Variants in SPC25 observed in about 807,000 individuals in gnomAD.
SPC25 encodes the protein SPC25 component of NDC80 kinetochore complex.
SPC25 carries 22 observed loss-of-function variants against 29.6 expected under a neutral mutation model. The ratio of observed to expected loss-of-function variants is 0.74; its 90% CI spans 0.53 to 1.06. The LOEUF (loss-of-function observed/expected upper bound fraction) is 1.06, where lower values mean the gene tolerates loss of function less well. SPC25 is among the 50% of genes least tolerant of loss of function. The pLI is 0.00. For synonymous variants in SPC25, 91 were observed against 90.4 expected, an observed-to-expected ratio of 1.01 and a Z score of -0.04; for missense variants, 230 against 255.8, an observed-to-expected ratio of 0.90 and a Z score of 0.69.
intron 5 of SPC25, among the ~76,000 whole-genome samples, chr2:168,874,558 T>G (rs1690054235): frequency 6.6e-6 from 1 of 152,176 alleles, no homozygotes; most frequent in Non-Finnish European, 1.5e-5. Context: ...TGAACTTGGC[T>G]GCTGTGGTCT....
chr2:168,889,050 T>TATATGTATATATATACAC (rs1559158739), intron 3 of SPC25, among the ~76,000 whole-genome samples, 176 bp downstream of exon 3: 2 of 95,568 alleles, frequency 2.1e-5, no homozygotes, highest in East Asian at 4.6e-4. Flanking sequence ...TATATACACA[T>TATATGTATATATATACAC]ATATATACAT....
intron 3 of SPC25, among the ~76,000 whole-genome samples, chr2:168,886,809 C>A (rs905725684): frequency 6.6e-6 from 1 of 151,956 alleles, no homozygotes; most frequent in Admixed American, 6.6e-5. Flanking sequence ...GTGAACCACC[C>A]CGCCCGGCCA....
At chr2:168,887,370 C>T (rs961137360) in intron 3 of SPC25, among the ~76,000 whole-genome samples, 33 of 150,446 alleles carry the variant, frequency 2.2e-4, no homozygotes, top group African/African-American at 3.7e-4. Flanking sequence ...TGCAGTGAGC[C>T]GAGATCATGC....
chr2:168,883,777 T>C (rs1446042756), intron 3 of SPC25, among the ~76,000 whole-genome samples: 37 of 96,436 alleles, frequency 3.8e-4, no homozygotes, highest in African/African-American at 2.1e-3. Context: ...TTTTTTTTTC[T>C]TTTTTTTTTT....
chr2:168,871,873 C>T (rs1199130498), intron 6 of SPC25, among the ~76,000 whole-genome samples: 1 of 151,266 alleles, frequency 6.6e-6, no homozygotes, highest in Non-Finnish European at 1.5e-5. Flanking sequence ...TTTGTTTTAA[C>T]TATTTAAACT....
chr2:168,877,617 T>C (rs928253041), intron 3 of SPC25, among the ~76,000 whole-genome samples: 1 of 152,038 alleles, frequency 6.6e-6, no homozygotes, highest in African/African-American at 2.4e-5. Flanking sequence ...AAAATGAGAA[T>C]ACCAAATTAA....
At chr2:168,861,902 A>T (rs969856336) in intron 4 of SPC25, 20 of 1,470,522 alleles carry the variant, frequency 1.4e-5, no homozygotes, top group Non-Finnish European at 1.5e-5. Flanking sequence ...AAAGAGCTTC[A>T]GCTCATATTC....
intron 3 of SPC25, among the ~76,000 whole-genome samples, chr2:168,882,624 A>G (rs112552062): frequency 2.6e-5 from 4 of 151,950 alleles, no homozygotes; most frequent in East Asian, 1.9e-4. Flanking sequence ...TAAATAAATA[A>G]ACAGACAGAC....
intron 3 of SPC25, 90 bp from the exon 4 acceptor site, chr2:168,877,474 A>G (rs1228763676): frequency 7.0e-7 from 1 of 1,418,942 alleles, no homozygotes; most frequent in East Asian, 2.3e-5. Context: ...TTTCATAAAG[A>G]TTAATAAAGA....
chr2:168,864,326 G>A (rs1689707490), intron 4 of SPC25, among the ~76,000 whole-genome samples: 3 of 148,544 alleles, frequency 2.0e-5, no homozygotes, highest in Non-Finnish European at 3.0e-5. Flanking sequence ...TGTTGCTGTT[G>A]CCCAGGCTAG....
At chr2:168,880,421 T>A (rs752564545) in intron 3 of SPC25, among the ~76,000 whole-genome samples, 2 of 152,236 alleles carry the variant, frequency 1.3e-5, no homozygotes, top group Non-Finnish European at 2.9e-5. Context: ...AACTTCCTCA[T>A]CTTTCTCAAG....
Position 168,890,382 on chromosome 2 carries a change from A to T in SPC25, c.-79T>A. 1.0e-6 allele frequency: 1 copy of T among 985,492 alleles called. No homozygotes were observed. Among genetic ancestry groups the T allele is most frequent in the Middle Eastern group, 5.2e-4 (1 of 1,914 alleles). The allele number at this position is 985,492 out of a possible 1,614,324, so 61.0% of individuals were successfully genotyped here. On this transcript the variant is annotated 5_prime_UTR_variant, in exon 1 of 7. Transcript: ENST00000282074. The stretch of plus-strand genomic sequence containing the variant: ...CAGATCCGCGCCCACTCTAGCCAAC[A>T]GCCGGACTCTAGGCTCAGCTCCCGC...
At chr2:168,889,578 A>C in intron 1 of SPC25, 45 bp from the exon 2 acceptor site, 1 of 1,557,904 alleles carries the variant, frequency 6.4e-7, no homozygotes, top group Non-Finnish European at 8.7e-7. Flanking sequence ...ACTGAAATCA[A>C]ATCACCCACA....
chr2:168,875,593 A>G (rs1213395395), intron 5 of SPC25, among the ~76,000 whole-genome samples: 1 of 152,162 alleles, frequency 6.6e-6, no homozygotes, highest in Non-Finnish European at 1.5e-5. Context: ...TCATCAGACC[A>G]CGGTTGAACA....
intron 3 of SPC25, among the ~76,000 whole-genome samples, chr2:168,888,068 C>CA (rs1427532859): frequency 6.6e-6 from 1 of 152,026 alleles, no homozygotes; most frequent in African/African-American, 2.4e-5. Flanking sequence ...TGCTTGAGCC[C>CA]AGGAGTTTAA....
At chr2:168,888,466 A>G (rs1690310039) in intron 3 of SPC25, among the ~76,000 whole-genome samples, 1 of 151,704 alleles carries the variant, frequency 6.6e-6, no homozygotes, top group Non-Finnish European at 1.5e-5. Context: ...GAGGCAGGAG[A>G]GTGGCGTGAA....
At chr2:168,873,768 T>G in intron 5 of SPC25, 85 bp from the exon 6 acceptor site, 2 of 839,156 alleles carry the variant, frequency 2.4e-6, no homozygotes, top group Non-Finnish European at 4.0e-6. Flanking sequence ...ATATCTGCAC[T>G]GCTAAGTATA....
chr2:168,866,172 C>T (rs994698749), downstream of SPC25, among the ~76,000 whole-genome samples: 25 of 152,422 alleles, frequency 1.6e-4, no homozygotes, highest in African/African-American at 5.3e-4. Context: ...CAAGTCAATC[C>T]TAAGCCAAAA....
intron 4 of SPC25, chr2:168,862,027 T>A: frequency 6.2e-7 from 1 of 1,614,172 alleles, no homozygotes; most frequent in Non-Finnish European, 8.5e-7. Context: ...CCAGGCAAGA[T>A]GATGAGTTGA....
Sources: allele counts gnomAD v4.1 joint callset (sites outside exome capture counted in the v4.1 genomes callset), GRCh38; gene constraint gnomAD v4.1.1; transcripts MANE v1.5; gene names NCBI Gene and HGNC (gene_info 2026-07-23, HGNC 2026-07-21).